The following SLIT2 variants were observed in gnomAD, a reference collection of about 807,000 sequenced individuals.
SLIT2 encodes slit guidance ligand 2, also known as slit homolog 2 protein.
In SLIT2, 41 loss-of-function variants were observed where a neutral mutation model predicts 185.7. The ratio of observed to expected loss-of-function variants is 0.22; its 90% CI spans 0.17 to 0.29. The LOEUF (loss-of-function observed/expected upper bound fraction) is 0.29, where lower values mean the gene tolerates loss of function less well. Among genes scored for constraint, SLIT2 ranks in the 10% least tolerant of loss-of-function variants. SLIT2 has a pLI of 1.00. For missense variants in SLIT2, 1,571 were observed against 1,909.0 expected, an observed-to-expected ratio of 0.82 and a Z score of 3.30; for synonymous variants, 693 against 680.2, an observed-to-expected ratio of 1.02 and a Z score of -0.29.
At chr4:20,543,883 A>T (rs948370309) in intron 21 of SLIT2, among the ~76,000 whole-genome samples, 1 of 152,182 alleles carries the variant, frequency 6.6e-6, no homozygotes, top group Non-Finnish European at 1.5e-5. Context: ...GTGTAATTAA[A>T]TATTTAATTC....
chr4:20,589,833 C>A, intron 30 of SLIT2, 96 bp downstream of exon 30: 1 of 791,358 alleles, frequency 1.3e-6, no homozygotes, highest in Non-Finnish European at 2.2e-6. Context: ...CACACCTCTG[C>A]TCAGGATTAA....
chr4:20,322,592 T>C (rs562364888), intron 4 of SLIT2, among the ~76,000 whole-genome samples: 10 of 152,342 alleles, frequency 6.6e-5, no homozygotes, highest in African/African-American at 2.4e-4. Flanking sequence ...TCTGTGTTTA[T>C]GCCTCACTTC....
At chr4:20,419,240 G>A (rs1049020356) in intron 4 of SLIT2, among the ~76,000 whole-genome samples, 5 of 151,876 alleles carry the variant, frequency 3.3e-5, no homozygotes, top group East Asian at 3.9e-4. Flanking sequence ...AAGAACCCCC[G>A]TAATTCCTTT....
chr4:20,539,668 A>T, intron 19 of SLIT2, 84 bp downstream of exon 19: 1 of 887,442 alleles, frequency 1.1e-6, no homozygotes, highest in South Asian at 3.2e-5. Context: ...TAAGCATTTC[A>T]TTAAAATGTG....
intron 4 of SLIT2, among the ~76,000 whole-genome samples, chr4:20,410,670 G>T (rs1277637524): frequency 6.6e-6 from 1 of 152,102 alleles, no homozygotes; most frequent in East Asian, 1.9e-4. Context: ...TTATTAAATA[G>T]GGAATTCTTT....
At chr4:20,553,741 G>A in intron 25 of SLIT2, 64 bp from the exon 26 acceptor site, 7 of 1,263,574 alleles carry the variant, frequency 5.5e-6, no homozygotes, top group South Asian at 2.4e-5. Flanking sequence ...ATACTTGTGT[G>A]TGTGTGTGTG....
chr4:20,465,515 T>C (rs1714235043), intron 4 of SLIT2, among the ~76,000 whole-genome samples: 1 of 152,158 alleles, frequency 6.6e-6, no homozygotes, highest in African/African-American at 2.4e-5. Flanking sequence ...TGAGACCCCA[T>C]AGTGTGGCCT....
At chr4:20,418,772 C>T (rs1195422211) in intron 4 of SLIT2, among the ~76,000 whole-genome samples, 1 of 152,110 alleles carries the variant, frequency 6.6e-6, no homozygotes, top group Non-Finnish European at 1.5e-5. Context: ...TCTCTTATTT[C>T]TGGCTCGGGT....
At chr4:20,308,528 T>C (rs1717785474) in intron 4 of SLIT2, among the ~76,000 whole-genome samples, 1 of 152,166 alleles carries the variant, frequency 6.6e-6, no homozygotes, top group Admixed American at 6.5e-5. Context: ...ATCTCAGCTC[T>C]TGACACTTTT....
intron 24 of SLIT2, among the ~76,000 whole-genome samples, chr4:20,549,753 A>G (rs1052489875): frequency 6.6e-6 from 1 of 151,578 alleles, no homozygotes; most frequent in Non-Finnish European, 1.5e-5. Context: ...ATAAAAATAT[A>G]TATATAAGAA....
chr4:20,379,442 T>C (rs1431951508), intron 4 of SLIT2, among the ~76,000 whole-genome samples: 2 of 150,418 alleles, frequency 1.3e-5, no homozygotes, highest in African/African-American at 4.8e-5. Context: ...TTAATGATAG[T>C]AAGTGTGAGT....
At chr4:20,543,803 T>C (rs1262522522) in intron 21 of SLIT2, among the ~76,000 whole-genome samples, 1 of 152,190 alleles carries the variant, frequency 6.6e-6, no homozygotes, top group Admixed American at 6.5e-5. Context: ...TGCTGTTAAG[T>C]GCTTAGGTCC....
At chr4:20,427,204 C>T (rs1322460104) in intron 4 of SLIT2, among the ~76,000 whole-genome samples, 2 of 152,146 alleles carry the variant, frequency 1.3e-5, no homozygotes, top group African/African-American at 4.8e-5. Flanking sequence ...GAACCAATAG[C>T]TTTTAGTTTT....
rs538920429 is a variant in SLIT2 at position 20,377,144 on chromosome 4, G to A, written c.396-90608G>A. On this transcript the variant is annotated intron_variant, in intron 4 of 36. Coordinates refer to ENST00000504154, the MANE Select transcript of SLIT2 (RefSeq NM_004787.4). ...ATAGAAAAGATAGGAAGAAGCAAAT[G>A]GAACATATTAACAATATTAACAAAT... Among the ~76,000 whole-genome samples, 3 of 151,978 alleles carry A rather than the reference G, an allele frequency of 2.0e-5. No homozygotes were observed. In the South Asian group the frequency reaches 6.2e-4, roughly 32 times the overall value.
chr4:20,614,997 T>G (rs1484336935), intron 34 of SLIT2: 1 of 152,220 alleles, frequency 6.6e-6, no homozygotes. Context: ...ATTTACTAAT[T>G]GTTTCTCTGT....
intron 4 of SLIT2, among the ~76,000 whole-genome samples, chr4:20,361,632 G>A (rs1199070976): frequency 6.6e-6 from 1 of 152,036 alleles, no homozygotes; most frequent in Non-Finnish European, 1.5e-5. Flanking sequence ...CTGATTGAAT[G>A]TATATTAGCT....
intron 20 of SLIT2, 30 bp downstream of exon 20, chr4:20,541,649 T>C: frequency 6.3e-7 from 1 of 1,598,154 alleles, no homozygotes; most frequent in African/African-American, 1.3e-5. Flanking sequence ...TCTTTGATTG[T>C]CAGGCATTCA....
chr4:20,384,957 C>T (rs1266699525), intron 4 of SLIT2, among the ~76,000 whole-genome samples: 3 of 152,214 alleles, frequency 2.0e-5, no homozygotes, highest in Non-Finnish European at 2.9e-5. Context: ...ATTGGAATGC[C>T]GTTCAGAATG....
chr4:20,275,343 A>G (rs1358360834), intron 4 of SLIT2, among the ~76,000 whole-genome samples: 2 of 152,146 alleles, frequency 1.3e-5, no homozygotes, highest in Non-Finnish European at 2.9e-5. Context: ...GAGGTTTCTT[A>G]TCTGTAAAAT....
Sources: allele counts gnomAD v4.1 joint callset (sites outside exome capture counted in the v4.1 genomes callset), GRCh38; gene constraint gnomAD v4.1.1; transcripts MANE v1.5; gene names NCBI Gene and HGNC (gene_info 2026-07-23, HGNC 2026-07-21).